SYBU: variants seen among roughly 807,000 people sequenced by gnomAD.
SYBU encodes syntabulin.
A neutral mutation model predicts 35.9 loss-of-function variants in SYBU; 21 were observed. That is an observed-to-expected ratio of 0.58 (90% confidence interval 0.41 to 0.84). The LOEUF (loss-of-function observed/expected upper bound fraction) is 0.84, where lower values mean the gene tolerates loss of function less well. SYBU is among the 40% of genes least tolerant of loss of function. SYBU has a pLI of 0.00. For missense variants in SYBU, 768 were observed against 848.2 expected (o/e 0.91, Z 1.17); for synonymous variants, 319 against 324.3 (o/e 0.98, Z 0.18).
rs1822822996 is a variant in SYBU at position 109,579,926 on chromosome 8, C to A, written c.607G>T (p.Asp203Tyr). The change falls in exon 5 of 7, where the codon GAC becomes TAC. Residue 203 changes from aspartate to tyrosine, a missense_variant. Coordinates refer to ENST00000276646, the MANE Select transcript of SYBU (RefSeq NM_001099754.2). The stretch of plus-strand genomic sequence containing the variant: ...TTCCTGCACAGCATGGACAGAAGGT[C>A]CTTTTCCCGCGGGGATGATGGGCTG... ...GSSPSSPREK[D>Y]LLSMLCRNQL... 1.4e-5 allele frequency: 23 copies of A among 1,613,816 alleles called. No individual in the cohort carries two copies. The highest frequency in any genetic ancestry group is 1.9e-5 in the Non-Finnish European group (23 of 1,180,012).
chr8:109,690,111 C>G (rs947075255), intron 1 of SYBU, among the ~76,000 whole-genome samples: 2 of 151,964 alleles, frequency 1.3e-5, no homozygotes, highest in African/African-American at 4.8e-5. Flanking sequence ...AATTGAAGAG[C>G]GTATTTTAAA....
chr8:109,671,934 T>C (rs893774128), intron 1 of SYBU, among the ~76,000 whole-genome samples: 8 of 152,144 alleles, frequency 5.3e-5, no homozygotes, highest in Non-Finnish European at 7.3e-5. Context: ...GGAGTTTCGC[T>C]CTTGTTGCCC....
chr8:109,621,338 T>TTA (rs2130393479), intron 2 of SYBU, among the ~76,000 whole-genome samples: 1 of 152,318 alleles, frequency 6.6e-6, no homozygotes, highest in South Asian at 2.1e-4. Flanking sequence ...GTGGTGGCAG[T>TTA]GTGTAAGAGG....
chr8:109,689,048 T>C (rs557151207), intron 1 of SYBU, among the ~76,000 whole-genome samples: 1 of 152,146 alleles, frequency 6.6e-6, no homozygotes, highest in Non-Finnish European at 1.5e-5. Flanking sequence ...ACTTAGAATA[T>C]ATAGTAAAAT....
chr8:109,629,855 T>C (rs943798048), intron 2 of SYBU, among the ~76,000 whole-genome samples: 13 of 152,188 alleles, frequency 8.5e-5, no homozygotes, highest in African/African-American at 3.1e-4. Flanking sequence ...TGTGAGATGG[T>C]ATCTCACTGT....
intron 1 of SYBU, among the ~76,000 whole-genome samples, chr8:109,653,862 G>C (rs765892716): frequency 6.6e-6 from 1 of 152,076 alleles, no homozygotes; most frequent in Non-Finnish European, 1.5e-5. Context: ...GATGGAAGTT[G>C]TGTTTCTTCC....
intron 3 of SYBU, among the ~76,000 whole-genome samples, chr8:109,612,909 G>A (rs1300208063): frequency 5.3e-5 from 8 of 151,458 alleles, no homozygotes; most frequent in Admixed American, 5.3e-4. Flanking sequence ...GAACCTGGGA[G>A]GCGGAGGTTG....
chr8:109,586,288 G>C (rs1205398388), intron 3 of SYBU, 126 bp from the exon 4 acceptor site: 1 of 655,044 alleles, frequency 1.5e-6, no homozygotes, highest in Non-Finnish European at 2.6e-6. Flanking sequence ...CAAGATTCCA[G>C]GGCTTCCAGG....
rs74885615 is a variant in SYBU, at chr8:109,574,919, C to T, written c.1979G>A (p.Arg660His). The T allele has an allele frequency of 1.8e-5, 27 of 1,513,972 alleles. No individual in the cohort carries two copies. The highest frequency in any genetic ancestry group is 1.8e-4 in the Middle Eastern group (1 of 5,582). The allele number at this position is 1,513,972 out of a possible 1,614,324, so 93.8% of individuals were successfully genotyped here. A position where few individuals can be genotyped will look rare whatever the true frequency, so the allele number is the denominator to read the frequency against. The change falls in exon 7 of 7, where the codon CGT (arginine) becomes CAT (histidine). Residue 660 changes from arginine to histidine, a missense_variant. Physicochemically the swap from Arg to His is conservative, Grantham distance 29 (BLOSUM62 0). Transcript: ENST00000276646. ...AACAACTTCTATTTAGGTTTTGATA[C>T]GGAAGGCGGTGCGGCGGAGCGAATG... ...ALHSLRRTAF[R>H]IKT
At chr8:109,683,357 A>G (rs1051884290), upstream of SYBU, among the ~76,000 whole-genome samples, 2 of 152,236 alleles carry the variant, frequency 1.3e-5, no homozygotes, top group Non-Finnish European at 2.9e-5. Flanking sequence ...ACATGAAGTC[A>G]AAAGAGAGCA....
At chr8:109,665,162 ATTAAT>A (rs1326996519) in intron 1 of SYBU, among the ~76,000 whole-genome samples, 1 of 152,228 alleles carries the variant, frequency 6.6e-6, no homozygotes, top group African/African-American at 2.4e-5. Context: ...AACAAGTAAA[ATTAAT>A]TTAACAATGT....
At chr8:109,663,063 T>C (rs1816622304) in intron 1 of SYBU, among the ~76,000 whole-genome samples, 2 of 152,184 alleles carry the variant, frequency 1.3e-5, no homozygotes, top group African/African-American at 4.8e-5. Flanking sequence ...AGATATACTC[T>C]TGATTTTTGA....
chr8:109,628,243 A>G (rs1813188038), intron 2 of SYBU, among the ~76,000 whole-genome samples: 1 of 152,186 alleles, frequency 6.6e-6, no homozygotes, highest in East Asian at 1.9e-4. Flanking sequence ...TGGTAGTGAC[A>G]GCTCATGTAA....
At chr8:109,601,663 G>C (rs1467944312) in intron 3 of SYBU, among the ~76,000 whole-genome samples, 1 of 152,118 alleles carries the variant, frequency 6.6e-6, no homozygotes, top group African/African-American at 2.4e-5. Context: ...TGATACACCA[G>C]GAAGAATATA....
At chr8:109,669,590 A>C (rs1816901095) in intron 1 of SYBU, among the ~76,000 whole-genome samples, 1 of 152,204 alleles carries the variant, frequency 6.6e-6, no homozygotes, top group African/African-American at 2.4e-5. Flanking sequence ...AGAAAAATGT[A>C]AATTCACTTA....
intron 3 of SYBU, among the ~76,000 whole-genome samples, chr8:109,603,659 T>G (rs150319601): frequency 6.6e-6 from 1 of 152,236 alleles, no homozygotes; most frequent in Non-Finnish European, 1.5e-5. Context: ...AAGGCCACTC[T>G]TTTTAGGACC....
intron 3 of SYBU, among the ~76,000 whole-genome samples, chr8:109,602,041 G>T (rs1293406673): frequency 6.6e-6 from 1 of 152,136 alleles, no homozygotes; most frequent in Non-Finnish European, 1.5e-5. Flanking sequence ...TTGGAGATGG[G>T]TCATAAGGTA....
chr8:109,579,804 G>C lies in SYBU; in HGVS notation c.729C>G (p.Ile243Met), dbSNP rs999689618. ...ATTAGGTGAGCAGGACTCACCTCAT[G>C]ATGGGGCTACAGTCGCTTCCTTTGT... ...GSYKGSDCSP[I>M]MRRSGRYMSC... The change falls in exon 5 of 7, where the codon ATC becomes ATG. Residue 243 changes from isoleucine (I) to methionine (M), a missense_variant. By Grantham distance (10) the Ile-to-Met change is conservative. Coordinates refer to ENST00000276646, the MANE Select transcript of SYBU (RefSeq NM_001099754.2). 1 of 1,613,974 alleles carries C rather than the reference G, an allele frequency of 6.2e-7. No homozygotes were observed. The highest frequency in any genetic ancestry group is 8.5e-7 in the Non-Finnish European group (1 of 1,179,878).
At position 109,691,384 on chromosome 8, in the gene SYBU, G is replaced by T. The variant is rs1024375197; in HGVS notation, c.-109C>A. The stretch of plus-strand genomic sequence containing the variant: ...GCGCTGTCCAGGAGGAGGCACCTAC[G>T]TGCGCCCGGGAGACCGGGCCCCGGC... On this transcript the variant is annotated 5_prime_UTR_variant, in exon 1 of 8. Transcript: ENST00000422135. The surrounding 1 kb of genome is among the most constrained non-coding windows in gnomAD (Gnocchi z 4.7). 5.8e-6 allele frequency: 4 copies of T among 694,080 alleles called. No individual in the cohort carries two copies. Among genetic ancestry groups the T allele is most frequent in the South Asian group, 4.5e-5 (3 of 66,636 alleles). The allele number at this position is 694,080 out of a possible 1,614,324, so 43.0% of individuals were successfully genotyped here.
Sources: gnomAD v4.1 joint callset for allele counts (sites outside exome capture counted in the v4.1 genomes callset) on GRCh38, gnomAD v4.1.1 for gene constraint, Gnocchi (gnomAD v3.1) non-coding constraint, MANE v1.5 for transcripts, NCBI Gene and HGNC (gene_info 2026-07-23, HGNC 2026-07-21) for gene names.